Variants in MGAT5 observed in about 807,000 individuals in gnomAD.
The protein encoded by MGAT5 is alpha-1,6-mannosylglycoprotein 6-beta-N-acetylglucosaminyltransferase, also known as alpha-1,6-mannosylglycoprotein 6-beta-N-acetylglucosaminyltransferase A.
In MGAT5, 30 loss-of-function variants were observed where a neutral mutation model predicts 94.3. That is an observed-to-expected ratio of 0.32 (90% CI 0.24 to 0.43). MGAT5 has a LOEUF of 0.43. MGAT5 is among the 20% of genes least tolerant of loss of function. MGAT5 has a pLI of 1.00. For missense variants in MGAT5, 691 were observed against 905.5 expected (o/e 0.76, Z 3.04); for synonymous variants, 310 against 322.9 (o/e 0.96, Z 0.43).
intron 2 of MGAT5, among the ~76,000 whole-genome samples, chr2:134,288,838 T>G (rs1685173852): frequency 6.6e-6 from 1 of 151,998 alleles, no homozygotes. Context: ...CTCTTCTCCC[T>G]CTCCCCTACT....
chr2:134,204,880 G>C (rs1679956839), intron 1 of MGAT5, among the ~76,000 whole-genome samples: 1 of 152,184 alleles, frequency 6.6e-6, no homozygotes, highest in Admixed American at 6.5e-5. Flanking sequence ...AAAGTGTTCT[G>C]AAAAGACAAA....
intron 1 of MGAT5, among the ~76,000 whole-genome samples, chr2:134,148,325 C>T (rs988305776): frequency 6.6e-6 from 1 of 152,204 alleles, no homozygotes; most frequent in Non-Finnish European, 1.5e-5. Context: ...TTTAAGAATT[C>T]TAGCACTCTG....
Position 134,428,226 on chromosome 2 carries a change from C to T in MGAT5, c.1795-139C>T, listed in dbSNP as rs113791580. On this transcript the variant is annotated intron_variant, in intron 13 of 15. Transcript: ENST00000281923. ...CCTAGTAAGGATCAGCTTGAGATCA[C>T]GACTTGCAAGTCCATAGTCAACCCT... is the stretch of plus-strand genomic sequence containing the variant. 2,034 of 661,488 alleles carry T rather than the reference C, an allele frequency of 3.1e-3. 28 individuals are homozygous for T. In the African/African-American group the frequency reaches 0.032, roughly 10 times the overall value. 41.0% of individuals were successfully genotyped at this position (661,488 alleles called of 1,614,324 possible).
chr2:134,237,148 T>TGTGTGCGCGC (rs374914892), intron 1 of MGAT5, among the ~76,000 whole-genome samples: 52 of 140,834 alleles, frequency 3.7e-4, no homozygotes, highest in African/African-American at 9.4e-4. Flanking sequence ...TGTGTGTGTG[T>TGTGTGCGCGC]GCGCGTGTGT....
At chr2:134,177,410 G>A (rs375237461) in intron 1 of MGAT5, among the ~76,000 whole-genome samples, 1 of 152,246 alleles carries the variant, frequency 6.6e-6, no homozygotes, top group Admixed American at 6.5e-5. Flanking sequence ...TTAGGGCCGG[G>A]TCTGGCTGTG....
intron 1 of MGAT5, among the ~76,000 whole-genome samples, chr2:134,247,368 AAAAAAAC>A (rs1395506884): frequency 6.1e-5 from 9 of 148,494 alleles, no homozygotes; most frequent in African/African-American, 1.8e-4. Flanking sequence ...TTAAAAAAAA[AAAAAAAC>A]AAAAAAAAAA....
chr2:134,263,629 C>G (rs917106681), intron 1 of MGAT5, among the ~76,000 whole-genome samples: 3 of 152,134 alleles, frequency 2.0e-5, no homozygotes, highest in African/African-American at 4.8e-5. Flanking sequence ...CTTTAAAATT[C>G]AAATGAGATA....
intron 1 of MGAT5, among the ~76,000 whole-genome samples, chr2:134,208,234 A>G (rs753340526): frequency 1.3e-5 from 2 of 151,836 alleles, no homozygotes; most frequent in Non-Finnish European, 2.9e-5. Context: ...TACTTAACAT[A>G]TTTTCTTCAG....
intron 10 of MGAT5, among the ~76,000 whole-genome samples, chr2:134,372,688 G>A (rs185048679): frequency 1.3e-5 from 2 of 152,244 alleles, no homozygotes; most frequent in East Asian, 1.9e-4. Flanking sequence ...AAGGTGGTTA[G>A]GGAGGTGTTC....
rs898907091 is a variant in MGAT5, at chr2:134,450,035, G to C, written c.*1188G>C. 3 of 152,308 alleles carry C rather than the reference G, an allele frequency of 2.0e-5. No homozygotes were observed. Among genetic ancestry groups the C allele is most frequent in the African/African-American group, 7.2e-5 (3 of 41,412 alleles). 9.4% of individuals were successfully genotyped at this position (152,308 alleles called of 1,614,324 possible). A position where few individuals can be genotyped will look rare whatever the true frequency, so the allele number is the denominator to read the frequency against. ...TGGTGCTGGCTTTTCCTTCAGGCAGGATCACTCTGACTTGTTGAGTAATCA... is the reference window on the plus strand; with the variant it reads ...TGGTGCTGGCTTTTCCTTCAGGCAGCATCACTCTGACTTGTTGAGTAATCA... On this transcript the variant is annotated 3_prime_UTR_variant, in exon 16 of 16. Coordinates refer to ENST00000281923, the MANE Select transcript of MGAT5 (RefSeq NM_002410.5).
intron 15 of MGAT5, among the ~76,000 whole-genome samples, chr2:134,447,992 C>T (rs1013251811): frequency 1.3e-5 from 2 of 152,234 alleles, no homozygotes; most frequent in East Asian, 3.9e-4. Flanking sequence ...GAGGCGATGC[C>T]CCAGGACAGC....
intron 10 of MGAT5, among the ~76,000 whole-genome samples, chr2:134,387,328 A>ATT (rs1461083019): frequency 2.1e-3 from 83 of 40,268 alleles, no homozygotes; most frequent in South Asian, 3.4e-3. Context: ...ATATATATAT[A>ATT]TATATTTTTT....
chr2:134,381,398 A>ATAGATAGATAGATAAGATAAGATAGAT (rs1681582251), intron 10 of MGAT5, among the ~76,000 whole-genome samples: 1 of 97,518 alleles, frequency 1.0e-5, no homozygotes, highest in African/African-American at 3.9e-5. Flanking sequence ...AGATAGATAG[A>ATAGATAGATAGATAAGATAAGATAGAT]TAGATAGATA....
At chr2:134,260,101 G>A (rs1292158003) in intron 1 of MGAT5, among the ~76,000 whole-genome samples, 6 of 152,136 alleles carry the variant, frequency 3.9e-5, no homozygotes, top group Admixed American at 3.9e-4. Flanking sequence ...TAGAAGGGAG[G>A]CCACTGTAGC....
At chr2:134,385,211 G>A (rs750249943) in intron 10 of MGAT5, among the ~76,000 whole-genome samples, 4 of 152,054 alleles carry the variant, frequency 2.6e-5, no homozygotes, top group East Asian at 1.9e-4. Context: ...CTTATCCTTC[G>A]TCTATGAGAT....
At chr2:134,150,561 C>T (rs1687125416) in intron 1 of MGAT5, among the ~76,000 whole-genome samples, 1 of 152,204 alleles carries the variant, frequency 6.6e-6, no homozygotes, top group East Asian at 1.9e-4. Context: ...TAGAGGACCA[C>T]GCTTGTGCTG....
intron 1 of MGAT5, among the ~76,000 whole-genome samples, chr2:134,175,825 T>C (rs1688437877): frequency 6.6e-6 from 1 of 151,948 alleles, no homozygotes; most frequent in African/African-American, 2.4e-5. Context: ...TACTTTGTCT[T>C]TGGGGTTGAG....
intron 14 of MGAT5, 34 bp downstream of exon 14, chr2:134,428,473 G>C (rs1352901259): frequency 1.3e-6 from 2 of 1,582,530 alleles, no homozygotes; most frequent in South Asian, 2.2e-5. Context: ...TGTCTTTGCT[G>C]TGTACTGCTT....
At chr2:134,364,762 A>G (rs1680316818) in intron 10 of MGAT5, among the ~76,000 whole-genome samples, 2 of 152,240 alleles carry the variant, frequency 1.3e-5, no homozygotes, top group South Asian at 2.1e-4. Flanking sequence ...GAAAAAGCCC[A>G]AAAGATGAAA....
Sources: allele counts gnomAD v4.1 joint callset (sites outside exome capture counted in the v4.1 genomes callset), GRCh38; gene constraint gnomAD v4.1.1; transcripts MANE v1.5; gene names NCBI Gene and HGNC (gene_info 2026-07-23, HGNC 2026-07-21).